Variants in DERA observed in about 807,000 individuals in gnomAD.
DERA encodes the protein deoxyribose-phosphate aldolase, also known as 2-deoxy-D-ribose 5-phosphate aldolase.
Under a neutral mutation model 41.1 loss-of-function variants are expected in DERA, and 15 were observed. That is an observed-to-expected ratio of 0.37 (90% CI 0.24 to 0.56). The LOEUF is 0.56. Ranked by LOEUF, DERA falls within the 20% of genes least tolerant of loss-of-function variation. The pLI is 0.81. For missense variants in DERA, 396 were observed against 403.4 expected (o/e 0.98, Z 0.16); for synonymous variants, 139 against 137.4 (o/e 1.01, Z -0.08).
rs1205584598 is a variant in DERA, at chr12:15,993,415, A to AAGT, written c.637+10980_637+10982dup. Among the ~76,000 whole-genome samples the AAGT allele has an allele frequency of 6.6e-6, 1 of 151,936 alleles. No individual in the cohort carries two copies. Among genetic ancestry groups the AAGT allele is most frequent in the African/African-American group, 2.4e-5 (1 of 41,382 alleles). On this transcript the variant is annotated intron_variant, in intron 6 of 8. Coordinates refer to ENST00000428559, the MANE Select transcript of DERA (RefSeq NM_015954.4). This position sits in a 1 kb window ranked among gnomAD's most constrained non-coding sequence, Gnocchi z 4.4. ...CATGGAATCCCTCCTCTTAGGCTGC[A>AAGT]AGTCTTTGTATACTCAAGGAGTATT...
chr12:15,963,890 G>A (rs1948605629), intron 5 of DERA, among the ~76,000 whole-genome samples: 1 of 146,914 alleles, frequency 6.8e-6, no homozygotes, highest in Non-Finnish European at 1.5e-5. Flanking sequence ...TATCTGTAAA[G>A]CCTATGTCTA....
rs1362342122 is a variant in DERA, at chr12:16,011,947, CAG to C, written c.638-20592_638-20591del. On this transcript the variant is annotated intron_variant, in intron 6 of 8. Transcript: ENST00000428559. This position sits in a 1 kb window ranked among gnomAD's most constrained non-coding sequence, Gnocchi z 4.7. Reference sequence around the variant, plus strand: ...GCAATGCCACTGGCTCTCTAAAAAACAGAGGATAATGTGATAGAGACAGATAA... The same window carrying C: ...GCAATGCCACTGGCTCTCTAAAAAACAGGATAATGTGATAGAGACAGATAA... Among the ~76,000 whole-genome samples the C allele has an allele frequency of 2.0e-5, 3 of 152,012 alleles. No homozygotes were observed. The highest frequency in any genetic ancestry group is 4.4e-5 in the Non-Finnish European group (3 of 68,000).
chr12:15,914,871 G>T (rs896480826), intron 1 of DERA, among the ~76,000 whole-genome samples: 3 of 152,114 alleles, frequency 2.0e-5, no homozygotes, highest in East Asian at 3.9e-4. Context: ...CGTCTCCCAG[G>T]TTCAAGCAAT....
In DERA at chr12:15,928,101, G is replaced by T. The variant is rs10846251; in HGVS notation, c.31+16687G>T. 0.3 allele frequency among the ~76,000 whole-genome samples: 46,126 copies of T among 152,120 alleles called. 7,471 individuals carry two copies. The highest frequency in any genetic ancestry group is 0.39 in the African/African-American group (16,347 of 41,480). On this transcript the variant is annotated intron_variant, in intron 1 of 8. Coordinates refer to ENST00000428559, the MANE Select transcript of DERA (RefSeq NM_015954.4). This position sits in a 1 kb window ranked among gnomAD's most constrained non-coding sequence, Gnocchi z 4.6. The stretch of plus-strand genomic sequence containing the variant: ...ATGTGAAATGATTAAATCAAGCTGA[G>T]TGACTTCATCACCTCACATACTTAG...
In DERA at chr12:16,032,627, A is replaced by C; in HGVS notation, c.723A>C (p.Arg241Ser). Residue 241 changes from arginine to serine, a missense_variant, in exon 7 of 9, where the codon AGA (arginine) becomes AGC (serine). Physicochemically the swap from Arg to Ser is moderately radical, Grantham distance 110. Coordinates refer to ENST00000428559, the MANE Select transcript of DERA (RefSeq NM_015954.4). ...CTATAGTAATGCTGCGGGCCATTAG[A>C]GATTTCTTCTGGAAAACTGGAAACA... Reference protein sequence around the residue: ...PVAIVMLRAIRDFFWKTGNKI... With the variant: ...PVAIVMLRAISDFFWKTGNKI... The C allele has an allele frequency of 1.3e-6, 2 of 1,564,088 alleles. No homozygotes were observed. The highest frequency in any genetic ancestry group is 2.4e-5 in the East Asian group (1 of 42,534).
At chr12:15,926,547 T>C (rs1278116750) in intron 1 of DERA, among the ~76,000 whole-genome samples, 2 of 151,788 alleles carry the variant, frequency 1.3e-5, no homozygotes, top group African/African-American at 4.8e-5. Flanking sequence ...CCATCCTGGC[T>C]AACACGGTGA....
At chr12:16,018,222 CTGAA>C (rs1948996515) in intron 6 of DERA, among the ~76,000 whole-genome samples, 1 of 151,992 alleles carries the variant, frequency 6.6e-6, no homozygotes, top group Non-Finnish European at 1.5e-5. Flanking sequence ...TCTATGAAGT[CTGAA>C]TGAGATTTTC....
rs1434927155 is a variant in DERA, at chr12:16,021,986, G to GT, written c.638-10554dup. Among the ~76,000 whole-genome samples, 1 of 152,194 alleles carries GT rather than the reference G, an allele frequency of 6.6e-6. No individual in the cohort carries two copies. The highest frequency in any genetic ancestry group is 1.9e-4 in the East Asian group (1 of 5,194). ...GAACAAGTTAAGACTTTGCAGAACT[G>GT]TTGACAGGGTATTACTGTGTTTTGC... On this transcript the variant is annotated intron_variant, in intron 6 of 8. Coordinates refer to ENST00000428559, the MANE Select transcript of DERA (RefSeq NM_015954.4). This position sits in a 1 kb window ranked among gnomAD's most constrained non-coding sequence, Gnocchi z 5.3.
At chr12:15,944,297 T>G (rs1433660893) in intron 1 of DERA, among the ~76,000 whole-genome samples, 1 of 152,048 alleles carries the variant, frequency 6.6e-6, no homozygotes, top group African/African-American at 2.4e-5. Flanking sequence ...CCTTGAGGAG[T>G]CGCCACACTG....
intron 1 of DERA, among the ~76,000 whole-genome samples, chr12:15,944,347 A>G (rs1948430732): frequency 6.6e-6 from 1 of 152,188 alleles, no homozygotes; most frequent in African/African-American, 2.4e-5. Context: ...TCCCAACAAC[A>G]GTGTAAAAGT....
At chr12:15,949,001 C>G (rs1158673783) in intron 1 of DERA, among the ~76,000 whole-genome samples, 1 of 152,176 alleles carries the variant, frequency 6.6e-6, no homozygotes, top group East Asian at 1.9e-4. Context: ...GCAGCAGAGG[C>G]TGCAGAACGG....
In DERA at chr12:16,020,642, A is replaced by T. The variant is rs1313896053; in HGVS notation, c.638-11900A>T. The stretch of plus-strand genomic sequence containing the variant: ...GGAGGGCCCAGAAAAAGACAGGAAG[A>T]TGAGAGAAAGTTTGAAACTTATGAG... On this transcript the variant is annotated intron_variant, in intron 6 of 8. Coordinates refer to ENST00000428559, the MANE Select transcript of DERA (RefSeq NM_015954.4). This position sits in a 1 kb window ranked among gnomAD's most constrained non-coding sequence, Gnocchi z 5.5. 6.6e-6 allele frequency among the ~76,000 whole-genome samples: 1 copy of T among 152,198 alleles called. No homozygotes were observed. Among genetic ancestry groups the T allele is most frequent in the African/African-American group, 2.4e-5 (1 of 41,446 alleles).
At chr12:16,023,192 G>A (rs1473780774) in intron 6 of DERA, among the ~76,000 whole-genome samples, 1 of 152,152 alleles carries the variant, frequency 6.6e-6, no homozygotes, top group Non-Finnish European at 1.5e-5. Flanking sequence ...CATGGTTTCA[G>A]TATAAGATTA....
rs1948742119 is a variant in DERA at position 15,982,872 on chromosome 12, G to A, written c.637+436G>A. 6.6e-6 allele frequency among the ~76,000 whole-genome samples: 1 copy of A among 152,200 alleles called. No individual in the cohort carries two copies. The highest frequency in any genetic ancestry group is 6.5e-5 in the Admixed American group (1 of 15,284). ...TGTTAATGTTTTAAAATTTAGTGCAGTATCATTGATTTTTATACTTTCAAA... is the reference window on the plus strand; with the variant it reads ...TGTTAATGTTTTAAAATTTAGTGCAATATCATTGATTTTTATACTTTCAAA... On this transcript the variant is annotated intron_variant, in intron 6 of 8. Transcript: ENST00000428559. This position sits in a 1 kb window ranked among gnomAD's most constrained non-coding sequence, Gnocchi z 4.0.
intron 6 of DERA, among the ~76,000 whole-genome samples, chr12:16,006,993 C>T (rs777963418): frequency 2.6e-5 from 4 of 152,046 alleles, no homozygotes; most frequent in Non-Finnish European, 5.9e-5. Context: ...ATATTTGTCA[C>T]GTTATGTATC....
intron 1 of DERA, among the ~76,000 whole-genome samples, chr12:15,925,946 C>G (rs976668840): frequency 2.8e-5 from 4 of 144,160 alleles, no homozygotes; most frequent in African/African-American, 8.8e-5. Flanking sequence ...TCCTGCCTCC[C>G]GAGTAGCTGG....
In DERA at chr12:15,957,141, T is replaced by C. The variant is rs766580388; in HGVS notation, c.129+108T>C. On this transcript the variant is annotated intron_variant, in intron 2 of 8. Transcript: ENST00000428559. This position sits in a 1 kb window ranked among gnomAD's most constrained non-coding sequence, Gnocchi z 4.8. ...TCAAGATGCATCTAAACTTAAAAGATTGCAGCTGTCCATGACTTATTTTAA... is the reference window on the plus strand; with the variant it reads ...TCAAGATGCATCTAAACTTAAAAGACTGCAGCTGTCCATGACTTATTTTAA... 7.4e-6 allele frequency: 6 copies of C among 806,414 alleles called. No individual in the cohort carries two copies. The East Asian group carries it at 1.6e-4, about 22-fold the overall frequency. 50.0% of individuals were successfully genotyped at this position (806,414 alleles called of 1,614,324 possible).
rs186581272 is a variant in DERA, at chr12:15,930,976, G to A, written c.31+19562G>A. On this transcript the variant is annotated intron_variant, in intron 1 of 8. Transcript: ENST00000428559. ...TTCAGGAAAAATAGGTACAGATATT[G>A]TATAATCTTCAAGTTCCATTAATTG... Among the ~76,000 whole-genome samples, 241 of 152,200 alleles carry A rather than the reference G, an allele frequency of 1.6e-3. 1 individual carries two copies. The highest frequency in any genetic ancestry group is 5.4e-3 in the African/African-American group (224 of 41,534).
intron 1 of DERA, among the ~76,000 whole-genome samples, chr12:15,927,598 TCATA>T (rs1388198532): frequency 6.6e-6 from 1 of 152,158 alleles, no homozygotes; most frequent in Non-Finnish European, 1.5e-5. Flanking sequence ...CCACATAAGT[TCATA>T]CAAACTTTTC....
Sources: gnomAD v4.1 joint callset for allele counts (sites outside exome capture counted in the v4.1 genomes callset) on GRCh38, gnomAD v4.1.1 for gene constraint, Gnocchi (gnomAD v3.1) non-coding constraint, MANE v1.5 for transcripts, NCBI Gene and HGNC (gene_info 2026-07-23, HGNC 2026-07-21) for gene names.